The following DCLRE1C variants were observed in gnomAD, a reference collection of about 807,000 sequenced individuals.
DCLRE1C encodes DNA cross-link repair 1C.
In DCLRE1C, 47 loss-of-function variants were observed where a neutral mutation model predicts 61.4. That is an observed-to-expected ratio of 0.77 (90% CI 0.61 to 0.98). The LOEUF is 0.98. Ranked by LOEUF, DCLRE1C falls within the 50% of genes least tolerant of loss-of-function variation. DCLRE1C has a pLI of 0.00. For synonymous variants in DCLRE1C, 337 were observed against 287.6 expected (o/e 1.17, Z -1.74); for missense variants, 858 against 816.0 (o/e 1.05, Z -0.63).
chr10:14,953,878 G>C, intron 1 of DCLRE1C, 24 bp downstream of exon 1: 1 of 1,613,364 alleles, frequency 6.2e-7, no homozygotes, highest in Non-Finnish European at 8.5e-7. Context: ...CCCCGGGAGC[G>C]GGCGACGCGC....
chr10:14,950,357 C>CAAAAAAAAAAAAAAAAAAAAAAAAAA (rs1196056427), intron 1 of DCLRE1C, among the ~76,000 whole-genome samples: 1 of 71,276 alleles, frequency 1.4e-5, no homozygotes, highest in Non-Finnish European at 3.1e-5. Flanking sequence ...AAATAATAAC[C>CAAAAAAAAAAAAAAAAAAAAAAAAAA]AAAAAAAAAA....
chr10:14,904,661 T>C lies in DCLRE1C; in HGVS notation c.*3747A>G, dbSNP rs1172894628. ...TAGAATGTAATGGGCCTTTGGGATCTTAAGTACTACTTATGTTACCTTTGT... is the reference window on the plus strand; with the variant it reads ...TAGAATGTAATGGGCCTTTGGGATCCTAAGTACTACTTATGTTACCTTTGT... On this transcript the variant is annotated 3_prime_UTR_variant, in exon 14 of 14. Coordinates refer to ENST00000378278, the MANE Select transcript of DCLRE1C (RefSeq NM_001033855.3). Among the ~76,000 whole-genome samples, 2 of 152,254 alleles carry C rather than the reference T, an allele frequency of 1.3e-5. No homozygotes were observed. The highest frequency in any genetic ancestry group is 4.8e-5 in the African/African-American group (2 of 41,472).
intron 4 of DCLRE1C, among the ~76,000 whole-genome samples, chr10:14,937,079 T>G (rs529586069): frequency 9.8e-5 from 15 of 152,290 alleles, no homozygotes; most frequent in South Asian, 4.1e-4. Context: ...TCCACTCATA[T>G]GAAATATCCG....
chr10:14,910,646 C>T (rs1399067882), intron 13 of DCLRE1C, among the ~76,000 whole-genome samples: 1 of 152,142 alleles, frequency 6.6e-6, no homozygotes, highest in Non-Finnish European at 1.5e-5. Context: ...TTGAACAGTT[C>T]TGCATTCCAA....
intron 13 of DCLRE1C, 29 bp downstream of exon 13, chr10:14,919,709 C>T (rs373250841): frequency 1.9e-6 from 3 of 1,554,362 alleles, no homozygotes; most frequent in Middle Eastern, 1.7e-4. Flanking sequence ...GGGAGCCCAC[C>T]CCTCTGAACC....
In DCLRE1C at chr10:14,923,028, A is replaced by G. The variant is rs748925672; in HGVS notation, c.1014T>C (p.Tyr338=). 10 of 1,614,068 alleles carry G rather than the reference A, an allele frequency of 6.2e-6. No homozygotes were observed. The highest frequency in any genetic ancestry group is 4.0e-5 in the African/African-American group (3 of 74,944). Residue 338 remains tyrosine, a synonymous_variant, in exon 12 of 14, where the codon TAT becomes TAC. Coordinates refer to ENST00000378278, the MANE Select transcript of DCLRE1C (RefSeq NM_001033855.3). ...FLSYLCPVNA[Y]PNVIPVGTTM... is the part of the protein sequence containing the mutation. ...TTGTGCCAACTGGAATGACATTTGGATATGCGTTCACAGGACAGAGGTAGC... is the reference window on the plus strand; with the variant it reads ...TTGTGCCAACTGGAATGACATTTGGGTATGCGTTCACAGGACAGAGGTAGC...
At chr10:14,909,450 G>C in intron 13 of DCLRE1C, 120 bp from the exon 14 acceptor site, 1 of 846,252 alleles carries the variant, frequency 1.2e-6, no homozygotes, top group Non-Finnish European at 1.8e-6. Context: ...TTCTTCAAAG[G>C]GAAAAGATAT....
At chr10:14,915,982 A>G (rs1487948663) in intron 13 of DCLRE1C, among the ~76,000 whole-genome samples, 1 of 152,224 alleles carries the variant, frequency 6.6e-6, no homozygotes, top group African/African-American at 2.4e-5. Flanking sequence ...CCATATTAAC[A>G]GAGTATAAAG....
intron 13 of DCLRE1C, among the ~76,000 whole-genome samples, chr10:14,919,265 A>G (rs920955153): frequency 6.6e-6 from 1 of 152,220 alleles, no homozygotes; most frequent in African/African-American, 2.4e-5. Flanking sequence ...CAAAGTAGCA[A>G]TGAAAGAAGG....
chr10:14,942,892 A>G (rs1255780379), intron 3 of DCLRE1C, among the ~76,000 whole-genome samples: 1 of 152,126 alleles, frequency 6.6e-6, no homozygotes. Context: ...TGGGTGGCCG[A>G]GGCGGGAGGA....
chr10:14,912,904 ATC>A (rs1835511483), intron 13 of DCLRE1C, among the ~76,000 whole-genome samples: 2 of 146,602 alleles, frequency 1.4e-5, no homozygotes, highest in Non-Finnish European at 3.0e-5. Context: ...GATGGTCTCG[ATC>A]TCTCTGACCA....
intron 13 of DCLRE1C, among the ~76,000 whole-genome samples, chr10:14,912,644 A>G (rs1426587089): frequency 6.6e-6 from 1 of 152,258 alleles, no homozygotes; most frequent in Admixed American, 6.5e-5. Flanking sequence ...CCTTGAAAAG[A>G]TAATGCGAAA....
chr10:14,934,552 G>A, intron 7 of DCLRE1C, 32 bp from the exon 8 acceptor site: 1 of 1,613,996 alleles, frequency 6.2e-7, no homozygotes, highest in Non-Finnish European at 8.5e-7. Flanking sequence ...CATTTAACAG[G>A]TGGAGAGCCG....
At chr10:14,928,229 A>G in intron 9 of DCLRE1C, 77 bp from the exon 10 acceptor site, 1 of 1,349,190 alleles carries the variant, frequency 7.4e-7, no homozygotes, top group Non-Finnish European at 1.0e-6. Flanking sequence ...TCAAAAACAA[A>G]AGTAGAAAAG....
At chr10:14,913,849 G>A (rs1189379083) in intron 13 of DCLRE1C, among the ~76,000 whole-genome samples, 1 of 151,982 alleles carries the variant, frequency 6.6e-6, no homozygotes, top group South Asian at 2.1e-4. Context: ...CTCTTGGGGG[G>A]GTCCTGGAAC....
chr10:14,927,429 G>C (rs1405012867), intron 10 of DCLRE1C, among the ~76,000 whole-genome samples: 2 of 151,424 alleles, frequency 1.3e-5, no homozygotes, highest in African/African-American at 4.9e-5. Context: ...GGGACCTCTT[G>C]CAGATATTCT....
chr10:14,949,902 A>C (rs1564484838), intron 1 of DCLRE1C, among the ~76,000 whole-genome samples: 1 of 152,086 alleles, frequency 6.6e-6, no homozygotes. Context: ...AAAATTAGCC[A>C]TGAATAGTAG....
chr10:14,899,813 G>T (rs1833869415), downstream of DCLRE1C: 11 of 1,140,254 alleles, frequency 9.6e-6, no homozygotes, highest in Non-Finnish European at 1.1e-5. Context: ...ATTTTATAAG[G>T]AGGGCAGCTT....
At chr10:14,898,317 G>A (rs1169534903) in exon 14 of DCLRE1C, 1 of 143,220 alleles carries the variant, frequency 7.0e-6, no homozygotes, top group Non-Finnish European at 1.5e-5. Flanking sequence ...TAAGAACCGA[G>A]ATTCAAAGCT....
Sources: gnomAD v4.1 joint callset for allele counts (sites outside exome capture counted in the v4.1 genomes callset) on GRCh38, gnomAD v4.1.1 for gene constraint, MANE v1.5 for transcripts, NCBI Gene and HGNC (gene_info 2026-07-23, HGNC 2026-07-21) for gene names.